PRKCH: variants seen among roughly 807,000 people sequenced by gnomAD.
PRKCH encodes the protein protein kinase C eta type.
A neutral mutation model predicts 82.5 loss-of-function variants in PRKCH; 28 were observed. The observed-to-expected ratio is 0.34, with a 90% CI of 0.25 to 0.47. PRKCH has a LOEUF of 0.47. Ranked by LOEUF, PRKCH falls within the 20% of genes least tolerant of loss-of-function variation. The pLI, the probability that PRKCH is intolerant of heterozygous loss-of-function variation, is 1.00. For missense variants in PRKCH, 705 were observed against 881.8 expected (o/e 0.80, Z 2.54); for synonymous variants, 322 against 327.4 (o/e 0.98, Z 0.18).
chr14:61,280,146 G>A lies in PRKCH; in HGVS notation c.-19+92478G>A, dbSNP rs201229810. 3.1e-6 allele frequency: 5 copies of A among 1,613,914 alleles called. No homozygotes were observed. The highest frequency in any genetic ancestry group is 4.2e-6 in the Non-Finnish European group (5 of 1,179,970). Reference sequence around the variant, plus strand: ...GGTAGCGAATGTAGACGACCAGCATGACAAAGCCGGTGAGGATGCAGAGGG... The same window carrying A: ...GGTAGCGAATGTAGACGACCAGCATAACAAAGCCGGTGAGGATGCAGAGGG... On this transcript the variant is annotated intron_variant, in intron 1 of 3. Transcript: ENST00000555185. The surrounding 1 kb of genome is among the most constrained non-coding windows in gnomAD (Gnocchi z 5.0).
In PRKCH at chr14:61,443,225, A is replaced by G. The variant is rs777584566; in HGVS notation, c.542A>G (p.Gln181Arg). 1 of 1,614,132 alleles carries G rather than the reference A, an allele frequency of 6.2e-7. No individual in the cohort carries two copies. Among genetic ancestry groups the G allele is most frequent in the Non-Finnish European group, 8.5e-7 (1 of 1,179,974 alleles). The change falls in exon 3 of 14, where the codon CAG becomes CGG. Residue 181 changes from glutamine to arginine, a missense_variant. By Grantham distance (43) the Gln-to-Arg change is conservative. Transcript: ENST00000332981. Reference sequence around the variant, plus strand: ...AAGTTCATGGCCACGTATCTGAGGCAGCCCACCTACTGCTCTCACTGCAGG... The same window carrying G: ...AAGTTCATGGCCACGTATCTGAGGCGGCCCACCTACTGCTCTCACTGCAGG... ...GHKFMATYLR[Q>R]PTYCSHCREF...
chr14:61,191,272 C>T (rs2044405245), intron 1 of PRKCH, among the ~76,000 whole-genome samples: 2 of 152,226 alleles, frequency 1.3e-5, no homozygotes, highest in South Asian at 4.1e-4. Flanking sequence ...TCTACACTTA[C>T]ACTGACTGAG....
At chr14:61,426,300 C>T (rs1226958358) in intron 2 of PRKCH, among the ~76,000 whole-genome samples, 1 of 152,218 alleles carries the variant, frequency 6.6e-6, no homozygotes. Context: ...AAGCTGTCAC[C>T]TTCCCTGTTG....
At chr14:61,373,733 T>G (rs544720151) in intron 1 of PRKCH, among the ~76,000 whole-genome samples, 2 of 152,234 alleles carry the variant, frequency 1.3e-5, no homozygotes, top group African/African-American at 4.8e-5. Context: ...CCTGAGTAGT[T>G]GGGACTACAG....
At chr14:61,449,401 T>C in intron 5 of PRKCH, 149 bp downstream of exon 5, 1 of 646,360 alleles carries the variant, frequency 1.5e-6, no homozygotes, top group Non-Finnish European at 2.7e-6. Context: ...GCCACCTCCC[T>C]TCCACATTCT....
At chr14:61,243,439 A>G (rs1228701716) in intron 1 of PRKCH, among the ~76,000 whole-genome samples, 4 of 151,780 alleles carry the variant, frequency 2.6e-5, no homozygotes, top group African/African-American at 9.7e-5. Context: ...AGGAGGAGAG[A>G]AAGAGGAAGA....
intron 12 of PRKCH, among the ~76,000 whole-genome samples, chr14:61,546,975 G>A (rs1249608274): frequency 6.6e-6 from 1 of 152,158 alleles, no homozygotes; most frequent in East Asian, 1.9e-4. Flanking sequence ...TAGGAGCCCA[G>A]CACTAAGGAA....
intron 10 of PRKCH, among the ~76,000 whole-genome samples, chr14:61,520,805 C>T (rs2042895672): frequency 6.6e-6 from 1 of 152,148 alleles, no homozygotes; most frequent in African/African-American, 2.4e-5. Context: ...TAAATTGATG[C>T]AACCCTTTTG....
rs559620528 is a variant in PRKCH at position 61,404,295 on chromosome 14, A to G, written c.427+13007A>G. On this transcript the variant is annotated intron_variant, in intron 2 of 13. Transcript: ENST00000332981. ...GAGGTTGCAGATACATTCTTTGTAT[A>G]TGTAAGAGACCACCTTATATTTTGT... is the stretch of plus-strand genomic sequence containing the variant. 3.9e-5 allele frequency among the ~76,000 whole-genome samples: 6 copies of G among 152,310 alleles called. No homozygotes were observed. In the South Asian group the frequency reaches 1.0e-3, roughly 26 times the overall value.
Position 61,510,689 on chromosome 14 carries a change from A to C in PRKCH, c.1434-18386A>C, listed in dbSNP as rs565396749. Among the ~76,000 whole-genome samples, 10 of 152,140 alleles carry C rather than the reference A, an allele frequency of 6.6e-5. 1 individual carries two copies. Among genetic ancestry groups the C allele is most frequent in the African/African-American group, 2.4e-4 (10 of 41,448 alleles). On this transcript the variant is annotated intron_variant, in intron 10 of 13. Coordinates refer to ENST00000332981, the MANE Select transcript of PRKCH (RefSeq NM_006255.5). ...ATTTAGACTGGGGAGCCATCTGTCT[A>C]AGGGAATACTTGAACTCACGGGACT...
At chr14:61,365,096 G>A (rs2046281186) in intron 1 of PRKCH, among the ~76,000 whole-genome samples, 1 of 152,088 alleles carries the variant, frequency 6.6e-6, no homozygotes, top group South Asian at 2.1e-4. Context: ...GGAAACCTTT[G>A]TAGAAATGGG....
At chr14:61,226,914 ATC>A (rs1306220305) in intron 1 of PRKCH, among the ~76,000 whole-genome samples, 1 of 151,744 alleles carries the variant, frequency 6.6e-6, no homozygotes, top group Admixed American at 6.6e-5. Flanking sequence ...CCACTACCAA[ATC>A]TCTCTCAGAT....
At chr14:61,487,209 C>A (rs1886263395) in intron 10 of PRKCH, among the ~76,000 whole-genome samples, 1 of 152,124 alleles carries the variant, frequency 6.6e-6, no homozygotes, top group Non-Finnish European at 1.5e-5. Flanking sequence ...CAACTCCATA[C>A]AGTGCATTTA....
intron 3 of PRKCH, among the ~76,000 whole-genome samples, chr14:61,443,611 G>A (rs377363097): frequency 5.3e-5 from 8 of 152,164 alleles, no homozygotes; most frequent in African/African-American, 1.9e-4. Flanking sequence ...ATAATCAACA[G>A]TATTGCTTTA....
intron 1 of PRKCH, among the ~76,000 whole-genome samples, chr14:61,255,889 C>G (rs1470380219): frequency 6.6e-6 from 1 of 152,064 alleles, no homozygotes; most frequent in African/African-American, 2.4e-5. Flanking sequence ...AGTGATGTCT[C>G]TAGTGGTTTA....
intron 3 of PRKCH, 109 bp downstream of exon 3, chr14:61,443,370 A>T (rs1455448060): frequency 2.4e-6 from 3 of 1,234,296 alleles, no homozygotes; most frequent in Admixed American, 3.2e-5. Flanking sequence ...TTCTTTCAGG[A>T]TCTGATTTTT....
At chr14:61,455,720 T>A (rs1032381678) in intron 7 of PRKCH, among the ~76,000 whole-genome samples, 2 of 152,208 alleles carry the variant, frequency 1.3e-5, no homozygotes, top group African/African-American at 4.8e-5. Context: ...GAATCAAGTA[T>A]CCTTAATCCA....
chr14:61,191,428 T>G (rs1021922428), intron 1 of PRKCH, among the ~76,000 whole-genome samples: 42 of 152,294 alleles, frequency 2.8e-4, no homozygotes, highest in Admixed American at 2.6e-3. Context: ...ATCCCAGCAT[T>G]TTAGGAGGCT....
intron 2 of PRKCH, chr14:61,442,462 T>C (rs1226645550): frequency 6.6e-6 from 1 of 151,396 alleles, no homozygotes; most frequent in African/African-American, 2.5e-5. Context: ...TTATAGCTCA[T>C]AGATAGACGC....
Sources: gnomAD v4.1 joint callset for allele counts (sites outside exome capture counted in the v4.1 genomes callset) on GRCh38, gnomAD v4.1.1 for gene constraint, Gnocchi (gnomAD v3.1) non-coding constraint, MANE v1.5 for transcripts, NCBI Gene and HGNC (gene_info 2026-07-23, HGNC 2026-07-21) for gene names.